Variants in SLCO3A1 observed in about 807,000 individuals in gnomAD.
SLCO3A1 encodes solute carrier organic anion transporter family member 3A1.
SLCO3A1 carries 27 observed loss-of-function variants against 63.1 expected under a neutral mutation model. The ratio of observed to expected loss-of-function variants is 0.43; its 90% CI spans 0.32 to 0.59. The LOEUF is 0.59. Ranked by LOEUF, SLCO3A1 falls within the 20% of genes least tolerant of loss-of-function variation. The pLI is 0.09. For synonymous variants in SLCO3A1, 473 were observed against 409.9 expected (o/e 1.15, Z -1.86); for missense variants, 773 against 945.8 (o/e 0.82, Z 2.40).
At chr15:92,080,960 G>A (rs2047337732) in intron 2 of SLCO3A1, among the ~76,000 whole-genome samples, 1 of 151,178 alleles carries the variant, frequency 6.6e-6, no homozygotes, top group East Asian at 1.9e-4. Context: ...GTGTGTGTGT[G>A]TGTGTGTGTG....
intron 1 of SLCO3A1, among the ~76,000 whole-genome samples, chr15:91,873,997 A>G (rs143080666): frequency 3.0e-4 from 45 of 152,250 alleles, no homozygotes; most frequent in African/African-American, 9.9e-4. Flanking sequence ...GTGGTGTAGT[A>G]GTCCCCCTTG....
At chr15:91,868,378 A>G (rs1236101392) in intron 1 of SLCO3A1, among the ~76,000 whole-genome samples, 1 of 138,160 alleles carries the variant, frequency 7.2e-6, no homozygotes, top group Non-Finnish European at 1.5e-5. Flanking sequence ...TTTTTTTAAT[A>G]TAAAGACTTT....
chr15:91,899,398 C>T (rs767030894), intron 1 of SLCO3A1, among the ~76,000 whole-genome samples: 4 of 152,120 alleles, frequency 2.6e-5, no homozygotes, highest in Non-Finnish European at 4.4e-5. Flanking sequence ...GATGCATTTG[C>T]TTATTGAGTG....
Position 91,862,263 on chromosome 15 carries a change from C to T in SLCO3A1, c.180+8175C>T, listed in dbSNP as rs1470817022. On this transcript the variant is annotated intron_variant, in intron 1 of 9. Transcript: ENST00000318445. This position sits in a 1 kb window ranked among gnomAD's most constrained non-coding sequence, Gnocchi z 4.0. ...CTGCCTCCCGGGTTCAAGCAATTCT[C>T]CTGCCTCAGCCTCCCCAGTAGCTGG... Among the ~76,000 whole-genome samples, 1 of 152,018 alleles carries T rather than the reference C, an allele frequency of 6.6e-6. No homozygotes were observed. The highest frequency in any genetic ancestry group is 1.5e-5 in the Non-Finnish European group (1 of 68,002).
intron 2 of SLCO3A1, among the ~76,000 whole-genome samples, chr15:91,951,319 A>G (rs1899989659): frequency 2.0e-5 from 3 of 152,228 alleles, no homozygotes; most frequent in Admixed American, 2.0e-4. Context: ...TCAGTGCAAT[A>G]CGTGGTGTTT....
intron 1 of SLCO3A1, among the ~76,000 whole-genome samples, chr15:91,868,505 A>G (rs891351262): frequency 2.0e-5 from 3 of 152,140 alleles, no homozygotes; most frequent in African/African-American, 7.2e-5. Context: ...ATAAACTGTA[A>G]ACATTTTGGC....
intron 2 of SLCO3A1, among the ~76,000 whole-genome samples, chr15:92,081,180 C>T (rs977644392): frequency 1.4e-4 from 22 of 152,056 alleles, no homozygotes; most frequent in African/African-American, 5.1e-4. Context: ...ATATCAGATA[C>T]TAGAGTTTAT....
chr15:92,152,587 C>T (rs2048320807), intron 9 of SLCO3A1, among the ~76,000 whole-genome samples: 1 of 152,204 alleles, frequency 6.6e-6, no homozygotes, highest in South Asian at 2.1e-4. Context: ...TATGATCGTG[C>T]TGATTTTTTC....
At position 92,033,937 on chromosome 15, in the gene SLCO3A1, G is replaced by A. The variant is rs756803886; in HGVS notation, c.647-60944G>A. On this transcript the variant is annotated intron_variant, in intron 2 of 9. Transcript: ENST00000318445. The surrounding 1 kb of genome is among the most constrained non-coding windows in gnomAD (Gnocchi z 4.5). The stretch of plus-strand genomic sequence containing the variant: ...GTTGATGAGCTGGGAGCAGGCGCAT[G>A]GGTGGGACCCAGTGAGGGAGGGGGA... Among the ~76,000 whole-genome samples the A allele has an allele frequency of 2.6e-5, 4 of 152,090 alleles. No individual in the cohort carries two copies. The highest frequency in any genetic ancestry group is 9.6e-5 in the African/African-American group (4 of 41,454).
chr15:91,996,522 A>G (rs1051071435), intron 2 of SLCO3A1, among the ~76,000 whole-genome samples: 1 of 152,176 alleles, frequency 6.6e-6, no homozygotes, highest in Non-Finnish European at 1.5e-5. Context: ...GTGGCAAAGT[A>G]GATGACCAAG....
At chr15:92,000,814 C>T (rs1486145162) in intron 2 of SLCO3A1, among the ~76,000 whole-genome samples, 1 of 152,148 alleles carries the variant, frequency 6.6e-6, no homozygotes, top group South Asian at 2.1e-4. Context: ...AGTGCTGGTA[C>T]CTTGCCTGTG....
intron 3 of SLCO3A1, among the ~76,000 whole-genome samples, chr15:92,101,325 A>C (rs1417040257): frequency 6.6e-6 from 1 of 152,158 alleles, no homozygotes; most frequent in Non-Finnish European, 1.5e-5. Flanking sequence ...CCTGGCCAAC[A>C]TGGTGAAACC....
At chr15:92,165,936 C>CTACA, downstream of SLCO3A1, 2 of 980,140 alleles carry the variant, frequency 2.0e-6, no homozygotes, top group Non-Finnish European at 2.4e-6. Flanking sequence ...CTACAAACTC[C>CTACA]TACACCATCT....
At chr15:92,087,501 CTTTTATTATCTAT>C (rs2047419606) in intron 2 of SLCO3A1, among the ~76,000 whole-genome samples, 1 of 149,790 alleles carries the variant, frequency 6.7e-6, no homozygotes. Context: ...TTGCCTAGTA[CTTTTATTATCTAT>C]TATTTTTTTT....
At chr15:92,085,230 A>T (rs542407298) in intron 2 of SLCO3A1, among the ~76,000 whole-genome samples, 8 of 152,324 alleles carry the variant, frequency 5.3e-5, no homozygotes, top group African/African-American at 1.9e-4. Flanking sequence ...TCTGAAGGGC[A>T]ACTGGGCTTC....
chr15:92,046,809 G>A (rs1483489846), intron 2 of SLCO3A1, among the ~76,000 whole-genome samples: 1 of 150,092 alleles, frequency 6.7e-6, no homozygotes, highest in East Asian at 2.0e-4. Context: ...ATTTTTCGTT[G>A]TCTGTCACCT....
chr15:92,006,577 C>G (rs537065693), intron 2 of SLCO3A1, among the ~76,000 whole-genome samples: 2 of 152,324 alleles, frequency 1.3e-5, no homozygotes, highest in Non-Finnish European at 2.9e-5. Flanking sequence ...CCAGCCCTTT[C>G]TGTGCCCAAC....
At chr15:92,077,771 G>C (rs1022521056) in intron 2 of SLCO3A1, among the ~76,000 whole-genome samples, 5 of 152,314 alleles carry the variant, frequency 3.3e-5, no homozygotes, top group African/African-American at 1.2e-4. Context: ...TCAGCACTCT[G>C]CAGGCGCTGG....
At chr15:92,015,493 A>T (rs572128828) in intron 2 of SLCO3A1, among the ~76,000 whole-genome samples, 7 of 152,098 alleles carry the variant, frequency 4.6e-5, no homozygotes. Flanking sequence ...CATGGGGGAA[A>T]CCGCCCCCAT....
Sources: gnomAD v4.1 joint callset for allele counts (sites outside exome capture counted in the v4.1 genomes callset) on GRCh38, gnomAD v4.1.1 for gene constraint, Gnocchi (gnomAD v3.1) non-coding constraint, MANE v1.5 for transcripts, NCBI Gene and HGNC (gene_info 2026-07-23, HGNC 2026-07-21) for gene names.